Variants in TTC39B observed in about 807,000 individuals in gnomAD.
The protein encoded by TTC39B is tetratricopeptide repeat protein 39B.
In TTC39B, 92 loss-of-function variants were observed where a neutral mutation model predicts 96.6. That is an observed-to-expected ratio of 0.95 (90% CI 0.80 to 1.13). TTC39B has a LOEUF of 1.13. Among genes scored for constraint, TTC39B ranks in the 50% most tolerant of loss-of-function variants. The probability of loss-of-function intolerance (pLI) is 0.00; values close to 1 mark genes in which losing one functional copy is unlikely to be tolerated. For synonymous variants in TTC39B, 367 were observed against 299.4 expected, an observed-to-expected ratio of 1.23 and a Z score of -2.33; for missense variants, 955 against 809.3, an observed-to-expected ratio of 1.18 and a Z score of -2.18.
intron 1 of TTC39B, among the ~76,000 whole-genome samples, chr9:15,304,972 T>A (rs1824711072): frequency 6.6e-6 from 1 of 152,034 alleles, no homozygotes; most frequent in South Asian, 2.1e-4. Context: ...CCCTTTTAAC[T>A]CCCCCAGAAT....
chr9:15,292,310 G>A (rs771002312), intron 1 of TTC39B, among the ~76,000 whole-genome samples: 40 of 152,102 alleles, frequency 2.6e-4, no homozygotes, highest in Non-Finnish European at 4.7e-4. Flanking sequence ...AGTTCCTGTC[G>A]CCTAGTCACA....
chr9:15,300,744 G>C (rs1824553173), intron 1 of TTC39B, among the ~76,000 whole-genome samples: 2 of 151,898 alleles, frequency 1.3e-5, no homozygotes, highest in Non-Finnish European at 1.5e-5. Flanking sequence ...AAATTAGCTG[G>C]GCGTGGTAGC....
chr9:15,250,142 C>T (rs1237788034), intron 2 of TTC39B: 5 of 1,215,368 alleles, frequency 4.1e-6, no homozygotes, highest in Admixed American at 3.2e-5. Flanking sequence ...TGACAGCATC[C>T]CAGGGCTTTC....
chr9:15,232,407 A>G (rs1821477865), intron 2 of TTC39B: 1 of 152,444 alleles, frequency 6.6e-6, no homozygotes, highest in African/African-American at 2.4e-5. Context: ...TTCAAAAAGA[A>G]AAAGCAGTAG....
At chr9:15,164,218 G>A (rs908750134) in exon 20 of TTC39B, 12 of 152,186 alleles carry the variant, frequency 7.9e-5, no homozygotes, top group Non-Finnish European at 1.8e-4. Flanking sequence ...GAGTGGGAAA[G>A]ATTGGAGACT....
At chr9:15,249,134 G>A (rs1822415275) in intron 2 of TTC39B, 1 of 152,140 alleles carries the variant, frequency 6.6e-6, no homozygotes, top group South Asian at 2.1e-4. Context: ...TTTAGAGAAT[G>A]CTCAAAACTC....
At position 15,178,093 on chromosome 9, in the gene TTC39B, T is replaced by A. The variant is rs182424258; in HGVS notation, c.1724-279A>T. On this transcript the variant is annotated intron_variant, in intron 17 of 19. Coordinates refer to ENST00000512701, the Ensembl canonical transcript of TTC39B. ...ACCGTGTTAGCCAGGATGGTCTCGA[T>A]CTCCTGACCTCATGATCCACCCACC... 1.3e-3 allele frequency among the ~76,000 whole-genome samples: 203 copies of A among 151,960 alleles called. 2 individuals carry two copies. Among genetic ancestry groups the A allele is most frequent in the African/African-American group, 4.4e-3 (183 of 41,456 alleles).
exon 3 of TTC39B, chr9:15,225,937 G>C (rs546911309): frequency 6.2e-7 from 1 of 1,613,864 alleles, no homozygotes; most frequent in Non-Finnish European, 8.5e-7. Context: ...TAGACGCTCC[G>C]CGCTGTCTGG....
intron 4 of TTC39B, 63 bp from the exon 5 acceptor site, chr9:15,211,460 C>A (rs1248331487): frequency 7.4e-6 from 10 of 1,343,158 alleles, no homozygotes; most frequent in Non-Finnish European, 9.8e-6. Flanking sequence ...ATAAGAAATC[C>A]TAGTAAATGC....
intron 2 of TTC39B, among the ~76,000 whole-genome samples, chr9:15,232,978 T>G (rs1301874921): frequency 1.3e-5 from 2 of 152,152 alleles, no homozygotes; most frequent in East Asian, 3.9e-4. Context: ...ATAAAAATTC[T>G]CAAACACTGC....
chr9:15,184,462 T>C (rs959052836), intron 16 of TTC39B, among the ~76,000 whole-genome samples: 1 of 150,572 alleles, frequency 6.6e-6, no homozygotes, highest in East Asian at 1.9e-4. Context: ...AGTGGAGGAC[T>C]GCAGACATCG....
In TTC39B at chr9:15,297,009, G is replaced by T. The variant is rs1056103521; in HGVS notation, c.240+10075C>A. ...CTCTTTAAGAAAAAAGAAAAGAAAA[G>T]AAAAAAGAAAAGCCAAACTCGGTAG... On this transcript the variant is annotated intron_variant, in intron 1 of 19. Transcript: ENST00000512701. Among the ~76,000 whole-genome samples the T allele has an allele frequency of 2.7e-5, 3 of 110,752 alleles. No homozygotes were observed. In the East Asian group the frequency reaches 6.7e-4, roughly 25 times the overall value. 72.7% of individuals were successfully genotyped at this position (110,752 alleles called of 152,430 possible). A position where few individuals can be genotyped will look rare whatever the true frequency, so the allele number is the denominator to read the frequency against.
chr9:15,300,259 A>C (rs1266789523), intron 1 of TTC39B, among the ~76,000 whole-genome samples: 1 of 151,656 alleles, frequency 6.6e-6, no homozygotes, highest in African/African-American at 2.4e-5. Context: ...AATAAACTCT[A>C]CTCCTTCTCC....
chr9:15,229,977 T>G (rs1365825504), intron 2 of TTC39B, among the ~76,000 whole-genome samples: 2 of 152,250 alleles, frequency 1.3e-5, no homozygotes, highest in Non-Finnish European at 2.9e-5. Context: ...AGAGAATTGT[T>G]GTCTTTATAA....
chr9:15,243,303 A>T (rs1018814130), intron 2 of TTC39B, among the ~76,000 whole-genome samples: 2 of 152,242 alleles, frequency 1.3e-5, no homozygotes, highest in Non-Finnish European at 1.5e-5. Context: ...ATTTGAACAG[A>T]TGATGTAATT....
At chr9:15,209,280 G>A (rs1182045978) in intron 6 of TTC39B, among the ~76,000 whole-genome samples, 1 of 152,032 alleles carries the variant, frequency 6.6e-6, no homozygotes, top group Admixed American at 6.6e-5. Context: ...AGTCCCAGGG[G>A]GCACGTCAAG....
chr9:15,233,866 G>C (rs1358034407), intron 2 of TTC39B, among the ~76,000 whole-genome samples: 1 of 151,638 alleles, frequency 6.6e-6, no homozygotes, highest in Non-Finnish European at 1.5e-5. Flanking sequence ...AGTCTGGAAA[G>C]TGAGGAGCGT....
chr9:15,185,340 C>A (rs750986092), exon 16 of TTC39B: 2 of 1,613,914 alleles, frequency 1.2e-6, no homozygotes, highest in Non-Finnish European at 8.5e-7. Flanking sequence ...GCCGAGCCTT[C>A]CTCACAGCAA....
intron 1 of TTC39B, among the ~76,000 whole-genome samples, chr9:15,303,730 C>T (rs1208143070): frequency 6.6e-6 from 1 of 151,838 alleles, no homozygotes; most frequent in Non-Finnish European, 1.5e-5. Context: ...CTCCCAGGTT[C>T]AAGCGATTCT....
Sources: allele counts gnomAD v4.1 joint callset (sites outside exome capture counted in the v4.1 genomes callset), GRCh38; gene constraint gnomAD v4.1.1; transcripts MANE v1.5; gene names NCBI Gene and HGNC (gene_info 2026-07-23, HGNC 2026-07-21).